The following FAM78A variants were observed in gnomAD, a reference collection of about 807,000 sequenced individuals.
FAM78A encodes family with sequence similarity 78 member A.
In FAM78A, 12 loss-of-function variants were observed where a neutral mutation model predicts 22.6. That is an observed-to-expected ratio of 0.53 (90% CI 0.34 to 0.86). The LOEUF (loss-of-function observed/expected upper bound fraction) is 0.86, where lower values mean the gene tolerates loss of function less well. Among genes scored for constraint, FAM78A ranks in the 40% least tolerant of loss-of-function variants. The pLI, the probability that FAM78A is intolerant of heterozygous loss-of-function variation, is 0.02. For synonymous variants in FAM78A, 151 were observed against 155.8 expected, an observed-to-expected ratio of 0.97 and a Z score of 0.23; for missense variants, 322 against 396.1, an observed-to-expected ratio of 0.81 and a Z score of 1.59.
Position 131,272,013 on chromosome 9 carries a change from T to C in FAM78A, c.323+3844A>G, listed in dbSNP as rs1377670527. Reference sequence around the variant, plus strand: ...CTGTCTGCAAAAGTCAGGGTATTATTGAGATGGTGGTTTTTTTTTTTAATT... The same window carrying C: ...CTGTCTGCAAAAGTCAGGGTATTATCGAGATGGTGGTTTTTTTTTTTAATT... On this transcript the variant is annotated intron_variant, in intron 1 of 1. Transcript: ENST00000372271. This position sits in a 1 kb window ranked among gnomAD's most constrained non-coding sequence, Gnocchi z 4.1. 1.3e-5 allele frequency among the ~76,000 whole-genome samples: 2 copies of C among 152,088 alleles called. No homozygotes were observed. The highest frequency in any genetic ancestry group is 6.6e-5 in the Admixed American group (1 of 15,260).
intron 1 of FAM78A, among the ~76,000 whole-genome samples, chr9:131,262,210 G>T (rs1032116222): frequency 2.6e-5 from 4 of 151,150 alleles, no homozygotes; most frequent in African/African-American, 9.8e-5. Context: ...TGCGCCTGTA[G>T]TCCCAGCTAC....
In FAM78A at chr9:131,260,372, G is replaced by T. The variant is rs138645434; in HGVS notation, c.*450C>A. On this transcript the variant is annotated 3_prime_UTR_variant, in exon 2 of 2. Transcript: ENST00000372271. The surrounding 1 kb of genome is among the most constrained non-coding windows in gnomAD (Gnocchi z 5.4). ...CGCATGACAGAGGGCGGAGGGACCT[G>T]GGGGGAAGGCCGGCCAGCGCCACAA... 9.9e-4 allele frequency: 159 copies of T among 161,318 alleles called. 1 individual carries two copies. Among genetic ancestry groups the T allele is most frequent in the Non-Finnish European group, 1.5e-3 (108 of 74,288 alleles). 10.0% of individuals were successfully genotyped at this position (161,318 alleles called of 1,614,324 possible).
In FAM78A at chr9:131,272,030, T is replaced by G. The variant is rs975103299; in HGVS notation, c.323+3827A>C. Among the ~76,000 whole-genome samples the G allele has an allele frequency of 6.6e-6, 1 of 152,224 alleles. No individual in the cohort carries two copies. Among genetic ancestry groups the G allele is most frequent in the Admixed American group, 6.5e-5 (1 of 15,284 alleles). On this transcript the variant is annotated intron_variant, in intron 1 of 1. Transcript: ENST00000372271. The surrounding 1 kb of genome is among the most constrained non-coding windows in gnomAD (Gnocchi z 4.1). ...GGTATTATTGAGATGGTGGTTTTTT[T>G]TTTTAATTGTTCCATTTCAAATATT... is the stretch of plus-strand genomic sequence containing the variant.
At position 131,261,155 on chromosome 9, in the gene FAM78A, G is replaced by A. The variant is rs767053931; in HGVS notation, c.519C>T (p.Ser173=). ...TGGTGAGCTTGGCCACGTTGCTCTC[G>A]CTGACGGGCACGGCCCATGTGACGC... ...YPSVTWAVPV[S]ESNVAKLTNI... The change falls in exon 2 of 2, where the codon AGC becomes AGT. Residue 173 remains serine, a synonymous_variant. Transcript: ENST00000372271. The surrounding 1 kb of genome is among the most constrained non-coding windows in gnomAD (Gnocchi z 7.1). 7.4e-6 allele frequency: 12 copies of A among 1,613,998 alleles called. No homozygotes were observed. The highest frequency in any genetic ancestry group is 2.7e-5 in the African/African-American group (2 of 74,912).
intron 1 of FAM78A, among the ~76,000 whole-genome samples, chr9:131,271,029 G>T (rs983847210): frequency 2.1e-4 from 24 of 114,190 alleles, no homozygotes; most frequent in Admixed American, 6.5e-4. Flanking sequence ...TTTTTGAGAT[G>T]TGGTCTCACT....
In FAM78A at chr9:131,275,954, C is replaced by A. The variant is rs867596309; in HGVS notation, c.226G>T (p.Val76Phe). The change falls in exon 1 of 2, where the codon GTC becomes TTC. Residue 76 changes from valine (V) to phenylalanine (F), a missense_variant. By Grantham distance (50) the Val-to-Phe change is conservative. Transcript: ENST00000372271. The surrounding 1 kb of genome is among the most constrained non-coding windows in gnomAD (Gnocchi z 4.6). ...TCCTTCTTGGGGATGGGCGGCATGA[C>A]CACCTGGGCCGAGGCCCGGAAGTGG... ...TPHFRASAQV[V>F]MPPIPKKETW... is the part of the protein sequence containing the mutation. 5.0e-6 allele frequency: 8 copies of A among 1,613,394 alleles called. No individual in the cohort carries two copies. The African/African-American group carries it at 9.3e-5, about 19-fold the overall frequency.
intron 1 of FAM78A, among the ~76,000 whole-genome samples, chr9:131,271,974 ACT>A: frequency 6.7e-6 from 1 of 150,326 alleles, no homozygotes; most frequent in East Asian, 2.0e-4. Context: ...AGAGAAACTC[ACT>A]CTTTTCCAGC....
Position 131,274,071 on chromosome 9 carries a change from C to A in FAM78A, c.323+1786G>T, listed in dbSNP as rs2131195482. On this transcript the variant is annotated intron_variant, in intron 1 of 1. Coordinates refer to ENST00000372271, the MANE Select transcript of FAM78A (RefSeq NM_033387.4). The surrounding 1 kb of genome is among the most constrained non-coding windows in gnomAD (Gnocchi z 4.2). ...CTAGCTCCAGCCACATCACCCACAC[C>A]TACTCAGGGTCACCAGATGGAGAAC... Among the ~76,000 whole-genome samples the A allele has an allele frequency of 6.6e-6, 1 of 152,370 alleles. No individual in the cohort carries two copies. The highest frequency in any genetic ancestry group is 2.1e-4 in the South Asian group (1 of 4,830).
chr9:131,276,698 G>A (rs1215897436), upstream of FAM78A, among the ~76,000 whole-genome samples: 1 of 151,996 alleles, frequency 6.6e-6, no homozygotes, highest in Non-Finnish European at 1.5e-5. This position sits in a 1 kb window ranked among gnomAD's most constrained non-coding sequence, Gnocchi z 4.3. Context: ...ACCCGGCCGA[G>A]GTCCCGGCGC....
Position 131,272,114 on chromosome 9 carries a change from C to T in FAM78A, c.323+3743G>A, listed in dbSNP as rs1237039589. On this transcript the variant is annotated intron_variant, in intron 1 of 1. Transcript: ENST00000372271. The surrounding 1 kb of genome is among the most constrained non-coding windows in gnomAD (Gnocchi z 4.1). Reference sequence around the variant, plus strand: ...TCTTGGCTTAGGGATTAATTTTAAGCAGGGATAACGTTTGGGGGTATTATG... The same window carrying T: ...TCTTGGCTTAGGGATTAATTTTAAGTAGGGATAACGTTTGGGGGTATTATG... 6.6e-6 allele frequency among the ~76,000 whole-genome samples: 1 copy of T among 151,970 alleles called. No homozygotes were observed. Among genetic ancestry groups the T allele is most frequent in the African/African-American group, 2.4e-5 (1 of 41,334 alleles).
rs367873204 is a variant in FAM78A at position 131,261,006 on chromosome 9, C to T, written c.668G>A (p.Arg223Gln). 28 of 1,613,824 alleles carry T rather than the reference C, an allele frequency of 1.7e-5. No individual in the cohort carries two copies. Among genetic ancestry groups the T allele is most frequent in the Admixed American group, 1.2e-4 (7 of 60,012 alleles). The change falls in exon 2 of 2, where the codon CGG (arginine) becomes CAG (glutamine). Residue 223 changes from arginine to glutamine, a missense_variant. Coordinates refer to ENST00000372271, the MANE Select transcript of FAM78A (RefSeq NM_033387.4). This position sits in a 1 kb window ranked among gnomAD's most constrained non-coding sequence, Gnocchi z 7.1. ...MQLSIEVNPN[R>Q]PLGQRARLRE... Reference sequence around the variant, plus strand: ...CAGCCGGGCGCGCTGGCCCAGGGGCCGGTTGGGGTTCACCTCGATGCTGAG... The same window carrying T: ...CAGCCGGGCGCGCTGGCCCAGGGGCTGGTTGGGGTTCACCTCGATGCTGAG...
chr9:131,267,448 C>T (rs139426144), intron 1 of FAM78A, among the ~76,000 whole-genome samples: 20 of 152,216 alleles, frequency 1.3e-4, no homozygotes, highest in Middle Eastern at 3.4e-3. Context: ...GGGAGGATTG[C>T]TTGAGCAATC....
At chr9:131,264,270 C>T in intron 1 of FAM78A, 1 of 346,692 alleles carries the variant, frequency 2.9e-6, no homozygotes, top group Non-Finnish European at 5.3e-6. Context: ...GTTTTCTTTC[C>T]TTTCCCAGTC....
At position 131,260,931 on chromosome 9, in the gene FAM78A, G is replaced by A; in HGVS notation, c.743C>T (p.Pro248Leu). The change falls in exon 2 of 2, where the codon CCC (proline) becomes CTC (leucine). Residue 248 changes from proline (P) to leucine (L), a missense_variant. By Grantham distance (98) the Pro-to-Leu change is moderately conservative. Coordinates refer to ENST00000372271, the MANE Select transcript of FAM78A (RefSeq NM_033387.4). The surrounding 1 kb of genome is among the most constrained non-coding windows in gnomAD (Gnocchi z 5.4). ...CTTGACCAGGGCGCTGGGCGGGATG[G>A]GCTCATTCTTGCTCAGGATTTTGGG... ...DQPKILSKNE[P>L]IPPSALVKPN... 1.2e-6 allele frequency: 2 copies of A among 1,604,172 alleles called. No individual in the cohort carries two copies. The highest frequency in any genetic ancestry group is 1.7e-6 in the Non-Finnish European group (2 of 1,173,300).
intron 1 of FAM78A, among the ~76,000 whole-genome samples, chr9:131,262,103 G>A (rs914265577): frequency 2.6e-5 from 4 of 151,238 alleles, no homozygotes; most frequent in Middle Eastern, 6.8e-3. Flanking sequence ...CAAGGGGGGC[G>A]GATCATGAGG....
intron 1 of FAM78A, among the ~76,000 whole-genome samples, chr9:131,273,501 G>A (rs1454221144): frequency 6.6e-6 from 1 of 152,186 alleles, no homozygotes; most frequent in Non-Finnish European, 1.5e-5. Flanking sequence ...AAACATCAGG[G>A]GCAGAGAGAG....
At chr9:131,270,390 G>T (rs1047555927) in intron 1 of FAM78A, 8 of 717,406 alleles carry the variant, frequency 1.1e-5, no homozygotes, top group East Asian at 1.1e-4. Context: ...ACTCCAATCA[G>T]CAAAACAAAG....
chr9:131,260,147 T>C lies in FAM78A; in HGVS notation c.*675A>G, dbSNP rs1279385481. On this transcript the variant is annotated 3_prime_UTR_variant, in exon 2 of 2. Transcript: ENST00000372271. The surrounding 1 kb of genome is among the most constrained non-coding windows in gnomAD (Gnocchi z 5.4). The stretch of plus-strand genomic sequence containing the variant: ...GTGAGCAGCTGGTTTCGGGTCTAAA[T>C]GCCCATCCTCACCCTTCTCCCAAGA... 6.6e-6 allele frequency: 1 copy of C among 152,578 alleles called. No individual in the cohort carries two copies. The highest frequency in any genetic ancestry group is 1.9e-4 in the East Asian group (1 of 5,194). The allele number at this position is 152,578 out of a possible 1,614,324, so 9.5% of individuals were successfully genotyped here.
intron 1 of FAM78A, among the ~76,000 whole-genome samples, chr9:131,262,507 C>A (rs139587822): frequency 6.6e-6 from 1 of 150,484 alleles, no homozygotes; most frequent in African/African-American, 2.4e-5. Context: ...CCCAACTGGA[C>A]GCAGTGGCTC....
Sources: gnomAD v4.1 joint callset for allele counts (sites outside exome capture counted in the v4.1 genomes callset) on GRCh38, gnomAD v4.1.1 for gene constraint, Gnocchi (gnomAD v3.1) non-coding constraint, MANE v1.5 for transcripts, NCBI Gene and HGNC (gene_info 2026-07-23, HGNC 2026-07-21) for gene names.